Variants in ZNF385D observed in about 807,000 individuals in gnomAD.
ZNF385D encodes the protein zinc finger protein 385D, also known as zinc finger protein 659.
A neutral mutation model predicts 35.8 loss-of-function variants in ZNF385D; 15 were observed. The observed-to-expected ratio is 0.42, with a 90% confidence interval of 0.28 to 0.64. The LOEUF (loss-of-function observed/expected upper bound fraction) is 0.64. Ranked by LOEUF, ZNF385D falls within the 30% of genes least tolerant of loss-of-function variation. The probability of loss-of-function intolerance (pLI) is 0.23; values close to 1 mark genes in which losing one functional copy is unlikely to be tolerated. For missense variants in ZNF385D, 474 were observed against 494.6 expected, an observed-to-expected ratio of 0.96 and a Z score of 0.39; for synonymous variants, 212 against 186.8, an observed-to-expected ratio of 1.13 and a Z score of -1.10.
intron 3 of ZNF385D, among the ~76,000 whole-genome samples, chr3:21,988,484 G>A (rs1299779969): frequency 6.4e-5 from 9 of 140,792 alleles, no homozygotes; most frequent in African/African-American, 2.0e-4. Context: ...GCTGCTCGGG[G>A]GTCAGGGGTC....
rs2073031113 is a variant in ZNF385D, at chr3:21,813,709, A to G, written c.326-148681T>C. Among the ~76,000 whole-genome samples, 7 of 152,184 alleles carry G rather than the reference A, an allele frequency of 4.6e-5. No individual in the cohort carries two copies. The South Asian group carries it at 1.4e-3, about 32-fold the overall frequency. On this transcript the variant is annotated intron_variant, in intron 3 of 5. Coordinates refer to the ZNF385D transcript ENST00000494108. ...AAGAAATATGGGACTCTGTGAAAAG[A>G]CCAAATCTACGTCTGATTGGTGTAC...
chr3:21,708,552 A>G (rs767659317), intron 1 of ZNF385D, among the ~76,000 whole-genome samples: 75 of 152,206 alleles, frequency 4.9e-4, no homozygotes, highest in African/African-American at 9.9e-4. Flanking sequence ...CCCAAGTCCC[A>G]AAATGTGGAA....
intron 2 of ZNF385D, among the ~76,000 whole-genome samples, chr3:22,357,651 G>A (rs937493991): frequency 7.9e-5 from 12 of 151,732 alleles, no homozygotes; most frequent in Non-Finnish European, 1.6e-4. Context: ...ATTCATATTA[G>A]GTCAACAGGT....
At chr3:21,799,673 C>T (rs141905917) in intron 3 of ZNF385D, among the ~76,000 whole-genome samples, 2 of 152,054 alleles carry the variant, frequency 1.3e-5, no homozygotes, top group Middle Eastern at 3.2e-3. Flanking sequence ...GAGTATTAGA[C>T]CTTAACAGGC....
At chr3:21,583,230 C>T (rs2063717100) in intron 2 of ZNF385D, among the ~76,000 whole-genome samples, 1 of 152,014 alleles carries the variant, frequency 6.6e-6, no homozygotes, top group African/African-American at 2.4e-5. Context: ...TTTTCATGGC[C>T]CAAAGGGGTT....
chr3:21,966,980 C>T (rs766710756), intron 3 of ZNF385D, among the ~76,000 whole-genome samples: 2 of 152,044 alleles, frequency 1.3e-5, no homozygotes, highest in African/African-American at 2.4e-5. Context: ...GTGTGTGTTA[C>T]AGCACACAAA....
intron 3 of ZNF385D, among the ~76,000 whole-genome samples, chr3:21,937,374 C>A (rs1252352884): frequency 6.6e-6 from 1 of 152,138 alleles, no homozygotes; most frequent in Non-Finnish European, 1.5e-5. Context: ...ATGACTTTTA[C>A]AGTTATTTGC....
At chr3:21,555,761 T>A (rs1466279078) in intron 3 of ZNF385D, among the ~76,000 whole-genome samples, 1 of 152,186 alleles carries the variant, frequency 6.6e-6, no homozygotes, top group Non-Finnish European at 1.5e-5. Context: ...ATGGTATTTC[T>A]GGTTCTAGAT....
At chr3:21,747,463 A>G (rs761662039) in intron 1 of ZNF385D, among the ~76,000 whole-genome samples, 4 of 152,200 alleles carry the variant, frequency 2.6e-5, no homozygotes, top group African/African-American at 9.6e-5. Context: ...CAGCACAATC[A>G]GCCTCCCATT....
chr3:21,777,971 T>C (rs761967914), intron 3 of ZNF385D, among the ~76,000 whole-genome samples: 5 of 151,836 alleles, frequency 3.3e-5, no homozygotes, highest in Non-Finnish European at 5.9e-5. Flanking sequence ...CAAGCCTTGA[T>C]CAAACAGACC....
At chr3:22,185,864 T>C (rs1253300482) in intron 2 of ZNF385D, among the ~76,000 whole-genome samples, 5 of 152,332 alleles carry the variant, frequency 3.3e-5, no homozygotes, top group Non-Finnish European at 7.3e-5. Flanking sequence ...GATAAAGGGA[T>C]GTTATTGCTG....
intron 2 of ZNF385D, among the ~76,000 whole-genome samples, chr3:22,224,583 C>A (rs1559463482): frequency 6.6e-6 from 1 of 152,136 alleles, no homozygotes; most frequent in Admixed American, 6.5e-5. Context: ...CCATGGAGAA[C>A]ACAGTGGAGA....
At chr3:21,589,138 A>AAAAGT (rs1329234170) in intron 2 of ZNF385D, among the ~76,000 whole-genome samples, 1 of 152,200 alleles carries the variant, frequency 6.6e-6, no homozygotes, top group Non-Finnish European at 1.5e-5. Context: ...AAAAGTTTGG[A>AAAAGT]AAAGTATTGA....
At chr3:22,236,368 GT>G (rs1195935180) in intron 2 of ZNF385D, among the ~76,000 whole-genome samples, 1 of 152,058 alleles carries the variant, frequency 6.6e-6, no homozygotes, top group Non-Finnish European at 1.5e-5. Context: ...GTCTTGCTCT[GT>G]CATCCAGGCT....
At chr3:21,642,391 C>T (rs897241346) in intron 2 of ZNF385D, among the ~76,000 whole-genome samples, 1 of 151,886 alleles carries the variant, frequency 6.6e-6, no homozygotes, top group Non-Finnish European at 1.5e-5. Context: ...CAAAAAACCT[C>T]GAGTATCACC....
At chr3:21,704,512 AT>A (rs907948628) in intron 1 of ZNF385D, among the ~76,000 whole-genome samples, 2 of 150,606 alleles carry the variant, frequency 1.3e-5, no homozygotes, top group African/African-American at 5.0e-5. Flanking sequence ...ATTTTATTTT[AT>A]TTATTTATTT....
Position 21,469,864 on chromosome 3 carries a change from A to G in ZNF385D, c.440-32661T>C, listed in dbSNP as rs1055525623. Among the ~76,000 whole-genome samples the G allele has an allele frequency of 3.9e-5, 6 of 152,314 alleles. No individual in the cohort carries two copies. The East Asian group carries it at 1.2e-3, about 29-fold the overall frequency. ...CCAATAATTGTTTTGTGGTCTAGAC[A>G]TTTAACAGTGGAGATCCAAAGCAAT... On this transcript the variant is annotated intron_variant, in intron 4 of 7. Transcript: ENST00000281523.
intron 1 of ZNF385D, among the ~76,000 whole-genome samples, chr3:21,733,698 C>T (rs1406601289): frequency 6.6e-6 from 1 of 152,060 alleles, no homozygotes; most frequent in African/African-American, 2.4e-5. Flanking sequence ...CCCTTGCTTT[C>T]TTCTATGTAT....
chr3:22,048,987 T>C (rs1699179157), intron 3 of ZNF385D, among the ~76,000 whole-genome samples: 1 of 152,152 alleles, frequency 6.6e-6, no homozygotes, highest in Non-Finnish European at 1.5e-5. Context: ...GGATAGTTCA[T>C]TGTTAGTGTA....
Sources: gnomAD v4.1 joint callset for allele counts (sites outside exome capture counted in the v4.1 genomes callset) on GRCh38, gnomAD v4.1.1 for gene constraint, MANE v1.5 for transcripts, NCBI Gene and HGNC (gene_info 2026-07-23, HGNC 2026-07-21) for gene names.